The following RBMS1 variants were observed in gnomAD, a reference collection of about 807,000 sequenced individuals.
The protein encoded by RBMS1 is RNA-binding motif, single-stranded-interacting protein 1.
Under a neutral mutation model 62.3 loss-of-function variants are expected in RBMS1, and 17 were observed. That is an observed-to-expected ratio of 0.27 (90% CI 0.19 to 0.41). RBMS1 has a LOEUF of 0.41. Among genes scored for constraint, RBMS1 ranks in the 10% least tolerant of loss-of-function variants. The pLI is 1.00. For synonymous variants in RBMS1, 172 were observed against 170.0 expected, an observed-to-expected ratio of 1.01 and a Z score of -0.09; for missense variants, 334 against 504.5, an observed-to-expected ratio of 0.66 and a Z score of 3.24.
chr2:160,284,425 C>T (rs1688259139), intron 9 of RBMS1: 1 of 303,510 alleles, frequency 3.3e-6, no homozygotes, highest in Admixed American at 4.8e-5. Flanking sequence ...CAAGGGTACA[C>T]ACCTATTCTG....
At chr2:160,493,144 A>T (rs1369563546) in intron 1 of RBMS1, 145 bp downstream of exon 1, 12 of 752,930 alleles carry the variant, frequency 1.6e-5, no homozygotes, top group Non-Finnish European at 2.5e-5. Flanking sequence ...GGCTCTGCCC[A>T]GGCCAGCGCT....
intron 4 of RBMS1, among the ~76,000 whole-genome samples, chr2:160,311,084 C>T (rs551025520): frequency 1.1e-4 from 17 of 151,446 alleles, no homozygotes; most frequent in Non-Finnish European, 2.1e-4. Flanking sequence ...ATCCCAGCTA[C>T]TCAGGAGGCT....
At chr2:160,353,088 G>T (rs1692605915) in intron 2 of RBMS1, among the ~76,000 whole-genome samples, 2 of 152,016 alleles carry the variant, frequency 1.3e-5, no homozygotes, top group South Asian at 4.1e-4. Context: ...AAATAAATTA[G>T]GTATGTTACT....
intron 1 of RBMS1, among the ~76,000 whole-genome samples, chr2:160,384,876 G>C (rs1279011782): frequency 6.6e-6 from 1 of 152,200 alleles, no homozygotes; most frequent in African/African-American, 2.4e-5. Flanking sequence ...GGGACCTGGT[G>C]GGGGGTTTGA....
chr2:160,389,698 CAAAAAAAAAAAA>C (rs61570926), intron 1 of RBMS1, among the ~76,000 whole-genome samples: 17 of 50,382 alleles, frequency 3.4e-4, no homozygotes, highest in Admixed American at 6.5e-4. Flanking sequence ...ACTCTTGTCT[CAAAAAAAAAAAA>C]AAAAAAAAAA....
intron 1 of RBMS1, among the ~76,000 whole-genome samples, chr2:160,492,428 A>G (rs549168208): frequency 1.3e-5 from 2 of 152,346 alleles, no homozygotes; most frequent in East Asian, 1.9e-4. Flanking sequence ...GTATGGCTAC[A>G]TGTCATCAAC....
At chr2:160,401,095 AAC>A (rs1375859476) in intron 1 of RBMS1, among the ~76,000 whole-genome samples, 1 of 152,228 alleles carries the variant, frequency 6.6e-6, no homozygotes, top group Non-Finnish European at 1.5e-5. Context: ...GATCATAAAA[AAC>A]AGTCATTTGT....
chr2:160,316,439 A>G (rs1690224162), intron 3 of RBMS1, among the ~76,000 whole-genome samples: 1 of 152,318 alleles, frequency 6.6e-6, no homozygotes, highest in African/African-American at 2.4e-5. Flanking sequence ...TGTATCTAAA[A>G]TAAGTTCTGA....
chr2:160,396,550 CTTTTTTTTTTTTTT>C (rs59600753), intron 1 of RBMS1, among the ~76,000 whole-genome samples: 5 of 77,852 alleles, frequency 6.4e-5, no homozygotes, highest in East Asian at 4.6e-4. Context: ...TTCTTTTTAT[CTTTTTTTTTTTTTT>C]TTTTTTTTTT....
intron 1 of RBMS1, among the ~76,000 whole-genome samples, chr2:160,450,930 T>C (rs920360978): frequency 6.6e-6 from 1 of 152,126 alleles, no homozygotes; most frequent in African/African-American, 2.4e-5. Context: ...CCCAGCACTT[T>C]GGGAGGCCAA....
chr2:160,427,155 C>T (rs567014608), intron 1 of RBMS1, among the ~76,000 whole-genome samples: 2 of 152,290 alleles, frequency 1.3e-5, no homozygotes, highest in East Asian at 1.9e-4. Flanking sequence ...GGACACTTTT[C>T]CATCTAAGGG....
At chr2:160,354,140 C>T (rs995881206) in intron 2 of RBMS1, among the ~76,000 whole-genome samples, 2 of 152,014 alleles carry the variant, frequency 1.3e-5, no homozygotes, top group Non-Finnish European at 1.5e-5. Flanking sequence ...GATTCTGGTG[C>T]GTGTTCCTCG....
At chr2:160,369,961 G>C (rs1693631516) in intron 1 of RBMS1, among the ~76,000 whole-genome samples, 1 of 152,112 alleles carries the variant, frequency 6.6e-6, no homozygotes, top group African/African-American at 2.4e-5. Context: ...TTACATATCT[G>C]AATTTACAGA....
chr2:160,314,339 T>C (rs1690095243), intron 3 of RBMS1, among the ~76,000 whole-genome samples: 1 of 152,104 alleles, frequency 6.6e-6, no homozygotes, highest in Non-Finnish European at 1.5e-5. Context: ...GAGCCTTCCA[T>C]GGAACTCAAA....
chr2:160,407,564 G>T (rs1017279051), intron 1 of RBMS1: 2 of 983,884 alleles, frequency 2.0e-6, no homozygotes, highest in Non-Finnish European at 2.4e-6. Flanking sequence ...GTGCGGGCGC[G>T]GGCGCGGGCG....
intron 2 of RBMS1, among the ~76,000 whole-genome samples, chr2:160,357,175 G>C (rs1358001414): frequency 1.3e-5 from 2 of 152,054 alleles, no homozygotes; most frequent in Non-Finnish European, 2.9e-5. Context: ...ACAAGGAAAG[G>C]ATGTAAATAC....
chr2:160,483,691 C>A (rs1160935158), intron 1 of RBMS1, among the ~76,000 whole-genome samples: 1 of 152,208 alleles, frequency 6.6e-6, no homozygotes, highest in East Asian at 1.9e-4. Context: ...CTATCACACA[C>A]ACCTGTTAGT....
chr2:160,285,270 A>AG (rs2105935226), intron 7 of RBMS1, among the ~76,000 whole-genome samples: 1 of 152,042 alleles, frequency 6.6e-6, no homozygotes, highest in South Asian at 2.1e-4. Flanking sequence ...TTAAAAAAAA[A>AG]GGGGAGGGAG....
chr2:160,320,248 G>C (rs940367598), intron 2 of RBMS1, among the ~76,000 whole-genome samples: 2 of 152,146 alleles, frequency 1.3e-5, no homozygotes, highest in African/African-American at 4.8e-5. Context: ...CCGGCGGATG[G>C]CTTGAGCCCT....
Sources: gnomAD v4.1 joint callset for allele counts (sites outside exome capture counted in the v4.1 genomes callset) on GRCh38, gnomAD v4.1.1 for gene constraint, MANE v1.5 for transcripts, NCBI Gene and HGNC (gene_info 2026-07-23, HGNC 2026-07-21) for gene names.